Variants in TOM1 observed in about 807,000 individuals in gnomAD.
TOM1 encodes target of myb1 membrane trafficking protein, also known as target of Myb protein 1.
Under a neutral mutation model 61.3 loss-of-function variants are expected in TOM1, and 38 were observed. The observed-to-expected ratio is 0.62, with a 90% CI of 0.48 to 0.81. The LOEUF (loss-of-function observed/expected upper bound fraction) is 0.81. Among genes scored for constraint, TOM1 ranks in the 40% least tolerant of loss-of-function variants. The pLI is 0.00. For missense variants in TOM1, 591 were observed against 659.6 expected (o/e 0.90, Z 1.14); for synonymous variants, 270 against 268.8 (o/e 1.00, Z -0.04).
Position 35,321,944 on chromosome 22 carries a change from T to A in TOM1, c.138-15T>A. 6.2e-7 allele frequency: 1 copy of A among 1,613,490 alleles called. No individual in the cohort carries two copies. On this transcript the variant is annotated splice_polypyrimidine_tract_variant and intron_variant, in intron 2 of 14. Coordinates refer to ENST00000449058, the MANE Select transcript of TOM1 (RefSeq NM_005488.3). ...GCTCTATTCCTAAGCCCACCCTTTT[T>A]CTTGTCCTCCTTAGTCCCAAAGATG...
intron 1 of TOM1, among the ~76,000 whole-genome samples, chr22:35,309,734 C>G (rs970998186): frequency 6.6e-6 from 1 of 151,934 alleles, no homozygotes; most frequent in Non-Finnish European, 1.5e-5. Flanking sequence ...TGAATTCGTT[C>G]AGTAGTGGCT....
intron 11 of TOM1, 94 bp from the exon 12 acceptor site, chr22:35,338,619 T>C: frequency 1.0e-6 from 1 of 994,448 alleles, no homozygotes; most frequent in Non-Finnish European, 1.4e-6. Context: ...GCCTGGAGGA[T>C]GGGAGCCGTC....
At chr22:35,344,181 C>T (rs1200842002) in intron 12 of TOM1, 9 of 152,276 alleles carry the variant, frequency 5.9e-5, no homozygotes, top group Non-Finnish European at 8.8e-5. Flanking sequence ...CCGCCATCAG[C>T]GTGACTCTCT....
chr22:35,338,680 C>G, intron 11 of TOM1, 33 bp from the exon 12 acceptor site: 1 of 1,514,698 alleles, frequency 6.6e-7, no homozygotes, highest in Non-Finnish European at 8.9e-7. Flanking sequence ...TCGGTAAGGG[C>G]AGCATCCAAT....
At chr22:35,304,451 A>G (rs1926136476) in intron 1 of TOM1, among the ~76,000 whole-genome samples, 1 of 152,150 alleles carries the variant, frequency 6.6e-6, no homozygotes, top group Non-Finnish European at 1.5e-5. Context: ...TTCTCTGCAG[A>G]CAAATCTTAC....
At chr22:35,322,236 C>A (rs1302887193) in intron 3 of TOM1, 199 bp downstream of exon 3, 9 of 579,270 alleles carry the variant, frequency 1.6e-5, no homozygotes, top group Non-Finnish European at 2.5e-5. Context: ...TCTCCCCAAT[C>A]CCCCAGCATG....
intron 12 of TOM1, among the ~76,000 whole-genome samples, chr22:35,342,087 G>A (rs1471458336): frequency 6.6e-6 from 1 of 152,116 alleles, no homozygotes. Context: ...GTTATCGTGA[G>A]CTATGACTGT....
intron 1 of TOM1, among the ~76,000 whole-genome samples, chr22:35,303,131 A>AACACACAAAC (rs1925997497): frequency 6.7e-6 from 1 of 149,176 alleles, no homozygotes; most frequent in East Asian, 2.0e-4. Flanking sequence ...CTCCCCTCCC[A>AACACACAAAC]ACACACACAC....
chr22:35,314,526 C>T (rs1462091779), intron 1 of TOM1, among the ~76,000 whole-genome samples: 2 of 152,172 alleles, frequency 1.3e-5, no homozygotes, highest in Non-Finnish European at 2.9e-5. Context: ...TCCCCGCTTC[C>T]CTTTAAAAGC....
chr22:35,333,450 C>T lies in TOM1; in HGVS notation c.980C>T (p.Pro327Leu). The change falls in exon 10 of 15, where the codon CCT becomes CTT. Residue 327 changes from proline (P) to leucine (L), a missense_variant. Transcript: ENST00000449058. ...GCAGCTGACCTGATCGACATGGGCC[C>T]TGACCCAGCAGCCACCGGCAACCTC... ...EPAADLIDMG[P>L]DPAATGNLSS... 1 of 1,614,164 alleles carries T rather than the reference C, an allele frequency of 6.2e-7. No homozygotes were observed.
At position 35,345,709 on chromosome 22, in the gene TOM1, C is replaced by T. The variant is rs759297607; in HGVS notation, c.1225-16C>T. The T allele has an allele frequency of 6.2e-7, 1 of 1,613,476 alleles. No individual in the cohort carries two copies. Among genetic ancestry groups the T allele is most frequent in the Non-Finnish European group, 8.5e-7 (1 of 1,179,534 alleles). ...GTCACCTAGGGCACTGCCTTACCCT[C>T]TGCCCTTCCTTCCAGATCCCAGTCA... On this transcript the variant is annotated splice_polypyrimidine_tract_variant and intron_variant, in intron 12 of 14. Coordinates refer to ENST00000449058, the MANE Select transcript of TOM1 (RefSeq NM_005488.3).
intron 12 of TOM1, among the ~76,000 whole-genome samples, chr22:35,339,766 T>C (rs980289631): frequency 5.5e-4 from 83 of 151,344 alleles, no homozygotes; most frequent in Non-Finnish European, 1.0e-3. Flanking sequence ...TAGCCGGGCG[T>C]GGTGGCGGGC....
intron 6 of TOM1, among the ~76,000 whole-genome samples, chr22:35,326,928 C>T (rs1453350728): frequency 6.6e-6 from 1 of 152,184 alleles, no homozygotes; most frequent in East Asian, 1.9e-4. Flanking sequence ...GGGCCTGCAG[C>T]GTCCCTCCCC....
intron 7 of TOM1, among the ~76,000 whole-genome samples, chr22:35,330,097 G>A (rs1457676798): frequency 6.6e-6 from 1 of 151,944 alleles, no homozygotes; most frequent in East Asian, 1.9e-4. Context: ...GGCTAATATG[G>A]CGAAACCCCG....
At chr22:35,322,969 G>T (rs1047294141) in intron 3 of TOM1, 59 bp from the exon 4 acceptor site, 1 of 1,590,810 alleles carries the variant, frequency 6.3e-7, no homozygotes, top group Non-Finnish European at 8.6e-7. Flanking sequence ...GAGGGTGGGG[G>T]TTCTGAGCAC....
intron 8 of TOM1, 60 bp downstream of exon 8, chr22:35,330,540 C>T: frequency 6.7e-7 from 1 of 1,489,832 alleles, no homozygotes; most frequent in Non-Finnish European, 9.1e-7. Context: ...CCTTCCCTTC[C>T]TCCCTGTTCT....
At chr22:35,333,808 T>A (rs938893923) in intron 10 of TOM1, among the ~76,000 whole-genome samples, 1 of 152,122 alleles carries the variant, frequency 6.6e-6, no homozygotes, top group Non-Finnish European at 1.5e-5. Flanking sequence ...CTCCTGAGCC[T>A]CTCTTTCCTC....
intron 1 of TOM1, 150 bp downstream of exon 1, chr22:35,300,130 C>T (rs1925603701): frequency 6.9e-6 from 6 of 867,758 alleles, no homozygotes; most frequent in Admixed American, 5.3e-5. Flanking sequence ...CAGCTTTCCT[C>T]CCACTCTTGA....
intron 8 of TOM1, among the ~76,000 whole-genome samples, chr22:35,332,119 C>T (rs928850868): frequency 1.3e-5 from 2 of 152,168 alleles, no homozygotes; most frequent in African/African-American, 4.8e-5. Flanking sequence ...AAGACACTCA[C>T]TGATTGATTC....
Sources: gnomAD v4.1 joint callset for allele counts (sites outside exome capture counted in the v4.1 genomes callset) on GRCh38, gnomAD v4.1.1 for gene constraint, MANE v1.5 for transcripts, NCBI Gene and HGNC (gene_info 2026-07-23, HGNC 2026-07-21) for gene names.